Variants in NLRP12 observed in about 807,000 individuals in gnomAD.
The protein encoded by NLRP12 is NACHT, LRR and PYD domains-containing protein 12.
A neutral mutation model predicts 91.2 loss-of-function variants in NLRP12; 108 were observed. The ratio of observed to expected loss-of-function variants is 1.18; its 90% CI spans 1.01 to 1.39. The LOEUF (loss-of-function observed/expected upper bound fraction) is 1.39. NLRP12 is among the 40% of genes most tolerant of loss of function. NLRP12 has a pLI of 0.00. For synonymous variants in NLRP12, 613 were observed against 566.7 expected (o/e 1.08, Z -1.16); for missense variants, 1,530 against 1,352.7 (o/e 1.13, Z -2.06).
Position 53,798,126 on chromosome 19 carries a change from C to A in NLRP12, c.2927+117G>T. The A allele has an allele frequency of 3.5e-6, 4 of 1,144,424 alleles. No homozygotes were observed. In the Admixed American group the frequency reaches 5.4e-5, roughly 15 times the overall value. The allele number at this position is 1,144,424 out of a possible 1,614,324, so 70.9% of individuals were successfully genotyped here. A position where few individuals can be genotyped will look rare whatever the true frequency, so the allele number is the denominator to read the frequency against. On this transcript the variant is annotated intron_variant, in intron 8 of 9. Transcript: ENST00000324134. ...TCTTTTCTTTCCACCTCTCTTCTTG[C>A]TACCTGAATCTTTTGTAGTGAAGCA...
chr19:53,823,460 T>TAAAATATATATTTAAAATATATATTTTA (rs376319221), intron 1 of NLRP12, among the ~76,000 whole-genome samples: 2 of 111,196 alleles, frequency 1.8e-5, no homozygotes, highest in Non-Finnish European at 3.4e-5. Context: ...ATATATATTT[T>TAAAATATATATTTAAAATATATATTTTA]AAATATATAT....
rs1188079800 is a variant in NLRP12, at chr19:53,809,684, T to C, written c.1975A>G (p.Ser659Gly). The stretch of plus-strand genomic sequence containing the variant: ...CCATACAAGTGCAGCACCTGGGCGC[T>C]CCTGCAGCGCTTCAGACAGAACGAG... The part of the protein sequence containing the change: ...VSSFCLKRCR[S>G]AQVLHLYGAT... Residue 659 changes from serine (S) to glycine (G), a missense_variant, in exon 3 of 10, where the codon AGC becomes GGC. Physicochemically the swap from Ser to Gly is moderately conservative, Grantham distance 56 (BLOSUM62 0). Coordinates refer to ENST00000324134, the MANE Select transcript of NLRP12 (RefSeq NM_144687.4). The C allele has an allele frequency of 1.9e-6, 3 of 1,614,100 alleles. No homozygotes were observed. The highest frequency in any genetic ancestry group is 1.7e-6 in the Non-Finnish European group (2 of 1,180,028).
At chr19:53,805,479 G>A (rs142597604) in intron 4 of NLRP12, 29 bp from the exon 5 acceptor site, 3 of 1,610,898 alleles carry the variant, frequency 1.9e-6, no homozygotes, top group East Asian at 4.5e-5. Flanking sequence ...GAAAGGAGCT[G>A]GTCATTTCTT....
intron 1 of NLRP12, among the ~76,000 whole-genome samples, chr19:53,815,913 C>T (rs2092151913): frequency 6.6e-6 from 1 of 151,454 alleles, no homozygotes; most frequent in Admixed American, 6.6e-5. Context: ...CCTGGCGACT[C>T]TGTCTCTTAA....
At chr19:53,801,051 G>A (rs147980495) in intron 7 of NLRP12, among the ~76,000 whole-genome samples, 176 bp downstream of exon 7, 1,558 of 151,872 alleles carry the variant, frequency 0.01, 16 homozygotes, top group Middle Eastern at 0.031. Context: ...AAATTAGCTG[G>A]GCTTGGTGGC....
At chr19:53,803,858 G>C in intron 6 of NLRP12, 94 bp downstream of exon 6, 1 of 1,276,764 alleles carries the variant, frequency 7.8e-7, no homozygotes, top group Non-Finnish European at 1.1e-6. Flanking sequence ...ACAGGCGTGA[G>C]CCACTGCGCC....
At chr19:53,822,958 G>T (rs62143206) in intron 1 of NLRP12, among the ~76,000 whole-genome samples, 38,188 of 151,118 alleles carry the variant, frequency 0.25, 5,197 homozygotes, top group African/African-American at 0.37. Flanking sequence ...AGTAGAGACA[G>T]GGTTTTGCTA....
At chr19:53,799,753 G>C (rs1352174808) in intron 7 of NLRP12, among the ~76,000 whole-genome samples, 2 of 152,020 alleles carry the variant, frequency 1.3e-5, no homozygotes, top group African/African-American at 4.8e-5. Context: ...AAAGTGCTAA[G>C]ATTACAGGTG....
At position 53,811,292 on chromosome 19, in the gene NLRP12, G is replaced by A. The variant is rs575320793; in HGVS notation, c.371-4C>T. 1.8e-5 allele frequency: 29 copies of A among 1,613,562 alleles called. No homozygotes were observed. In the East Asian group the frequency reaches 5.8e-4, roughly 32 times the overall value. On this transcript the variant is annotated splice_region_variant and splice_polypyrimidine_tract_variant and intron_variant, in intron 2 of 9. Coordinates refer to ENST00000324134, the MANE Select transcript of NLRP12 (RefSeq NM_144687.4). ...TCCCTGTAGGTTTCCTGGGGATCTAGGGGAGAGGAATGAAGGTTTTGTGGA... is the reference window on the plus strand; with the variant it reads ...TCCCTGTAGGTTTCCTGGGGATCTAAGGGAGAGGAATGAAGGTTTTGTGGA...
chr19:53,794,972 C>T (rs1392279999), intron 9 of NLRP12, among the ~76,000 whole-genome samples: 1 of 151,954 alleles, frequency 6.6e-6, no homozygotes. Flanking sequence ...TTTCTTGAGA[C>T]AAGTTCCTGC....
In NLRP12 at chr19:53,798,286, C is replaced by T; in HGVS notation, c.2884G>A (p.Ala962Thr). ...CAGGCGGGATGTTGCAGCCCCTCAG[C>T]CAGCAACCACAGGCCCCAGTCTCCC... Reference protein sequence around the residue: ...DLGDWGLWLLAEGLQHPACRL... With the variant: ...DLGDWGLWLLTEGLQHPACRL... The change falls in exon 8 of 10, where the codon GCT (alanine) becomes ACT (threonine). Residue 962 changes from alanine to threonine, a missense_variant. Physicochemically the swap from Ala to Thr is moderately conservative, Grantham distance 58 (BLOSUM62 0). Transcript: ENST00000324134. 1.2e-6 allele frequency: 2 copies of T among 1,614,220 alleles called. No individual in the cohort carries two copies. Among genetic ancestry groups the T allele is most frequent in the Non-Finnish European group, 1.7e-6 (2 of 1,180,042 alleles).
chr19:53,797,218 A>G (rs1486109291), intron 8 of NLRP12, among the ~76,000 whole-genome samples: 5 of 151,190 alleles, frequency 3.3e-5, no homozygotes, highest in Non-Finnish European at 7.4e-5. Context: ...TGCAACCTCC[A>G]CCTCCTGGGT....
intron 5 of NLRP12, 85 bp from the exon 6 acceptor site, chr19:53,804,207 T>C (rs1450586198): frequency 6.1e-6 from 9 of 1,467,508 alleles, no homozygotes; most frequent in Admixed American, 1.9e-5. Context: ...TATTTTATTA[T>C]TTAGGAACAG....
In NLRP12 at chr19:53,809,664, C is replaced by T. The variant is rs1227674940; in HGVS notation, c.1995G>A (p.Leu665=). The T allele has an allele frequency of 6.2e-7, 1 of 1,613,886 alleles. No homozygotes were observed. ...CGTCCGCGCTGTAGGTGGCGCCATACAAGTGCAGCACCTGGGCGCTCCTGC... is the reference window on the plus strand; with the variant it reads ...CGTCCGCGCTGTAGGTGGCGCCATATAAGTGCAGCACCTGGGCGCTCCTGC... ...KRCRSAQVLH[L]YGATYSADGE... is the part of the protein sequence containing the mutation. Residue 665 remains leucine, a synonymous_variant, in exon 3 of 10, where the codon TTG becomes TTA. Coordinates refer to ENST00000324134, the MANE Select transcript of NLRP12 (RefSeq NM_144687.4).
intron 3 of NLRP12, 54 bp downstream of exon 3, chr19:53,809,533 A>AAAC (rs1555795520): frequency 2.2e-5 from 31 of 1,415,972 alleles, no homozygotes; most frequent in African/African-American, 4.4e-5. Flanking sequence ...AAAAAAAAAA[A>AAAC]AAAAAAAACA....
chr19:53,814,702 T>C (rs7250262), intron 2 of NLRP12, among the ~76,000 whole-genome samples: 2,574 of 152,274 alleles, frequency 0.017, 34 homozygotes, highest in Non-Finnish European at 0.028. Context: ...GGTAGCCATC[T>C]TTCAGCCAGG....
In NLRP12 at chr19:53,811,573, G is replaced by A. The variant is rs962396823; in HGVS notation, c.371-285C>T. Reference sequence around the variant, plus strand: ...TGTTTTGAGACTAGGTTATAAGACTGGCTAATTTTTTTTTTTTTTAGATGG... The same window carrying A: ...TGTTTTGAGACTAGGTTATAAGACTAGCTAATTTTTTTTTTTTTTAGATGG... On this transcript the variant is annotated intron_variant, in intron 2 of 9. Transcript: ENST00000324134. Among the ~76,000 whole-genome samples the A allele has an allele frequency of 6.6e-5, 10 of 150,744 alleles. No individual in the cohort carries two copies. In the East Asian group the frequency reaches 9.8e-4, roughly 15 times the overall value.
In NLRP12 at chr19:53,810,021, G is replaced by T. The variant is rs762831332; in HGVS notation, c.1638C>A (p.Thr546=). Residue 546 remains threonine (T), a synonymous_variant, in exon 3 of 10, where the codon ACC becomes ACA. Transcript: ENST00000324134. ...AGCTCCTTTCAGAAAACGCGTACTC[G>T]GTCAACAGCCTGGTCACGTCCTGGT... The part of the protein sequence containing the change: ...GPDQDVTRLL[T]EYAFSERSFL... 1 of 1,614,104 alleles carries T rather than the reference G, an allele frequency of 6.2e-7. No homozygotes were observed. Among genetic ancestry groups the T allele is most frequent in the Non-Finnish European group, 8.5e-7 (1 of 1,180,026 alleles).
At chr19:53,801,203 C>G in intron 7 of NLRP12, 24 bp downstream of exon 7, 10 of 1,610,536 alleles carry the variant, frequency 6.2e-6, no homozygotes, top group Non-Finnish European at 8.5e-6. Flanking sequence ...GGACTCCTAG[C>G]GTGGTGAGCA....
Sources: allele counts gnomAD v4.1 joint callset (sites outside exome capture counted in the v4.1 genomes callset), GRCh38; gene constraint gnomAD v4.1.1; transcripts MANE v1.5; gene names NCBI Gene and HGNC (gene_info 2026-07-23, HGNC 2026-07-21).